The following DNAH3 variants were observed in gnomAD, a reference collection of about 807,000 sequenced individuals.
The protein encoded by DNAH3 is dynein axonemal heavy chain 3.
In DNAH3, 332 loss-of-function variants were observed where a neutral mutation model predicts 432.5. The observed-to-expected ratio is 0.77, with a 90% CI of 0.70 to 0.84. The LOEUF (loss-of-function observed/expected upper bound fraction) is 0.84, where lower values mean the gene tolerates loss of function less well. Ranked by LOEUF, DNAH3 falls within the 40% of genes least tolerant of loss-of-function variation. The pLI is 0.00. For missense variants in DNAH3, 4,861 were observed against 5,114.0 expected, an observed-to-expected ratio of 0.95 and a Z score of 1.51; for synonymous variants, 1,956 against 1,900.2, an observed-to-expected ratio of 1.03 and a Z score of -0.76.
exon 59 of DNAH3, chr16:20,941,428 A>G (rs1378955015): frequency 1.2e-6 from 2 of 1,614,012 alleles, no homozygotes; most frequent in East Asian, 2.2e-5. Flanking sequence ...CTCCTGCCTT[A>G]GGACGGTATT....
chr16:21,136,603 CA>C, intron 5 of DNAH3, 90 bp from the exon 7 acceptor site: 1 of 1,185,496 alleles, frequency 8.4e-7, no homozygotes, highest in South Asian at 1.3e-5. Context: ...GGACCCCATT[CA>C]TACAGCATTC....
chr16:20,945,208 C>T (rs1410110844), intron 57 of DNAH3, among the ~76,000 whole-genome samples: 2 of 152,168 alleles, frequency 1.3e-5, no homozygotes, highest in Non-Finnish European at 2.9e-5. Flanking sequence ...TCTAGTTGAC[C>T]TCACTGCTCA....
chr16:20,966,162 C>T (rs1418966133), intron 52 of DNAH3, among the ~76,000 whole-genome samples: 4 of 150,386 alleles, frequency 2.7e-5, no homozygotes, highest in Non-Finnish European at 4.4e-5. Flanking sequence ...CTCAGCCTCC[C>T]GAGCAGCTGG....
At chr16:21,028,579 G>A (rs1448785142) in intron 37 of DNAH3, among the ~76,000 whole-genome samples, 1 of 151,796 alleles carries the variant, frequency 6.6e-6, no homozygotes, top group Non-Finnish European at 1.5e-5. Context: ...GGAGAATTGC[G>A]GGAGGTGGAG....
At chr16:21,024,797 C>A in intron 38 of DNAH3, 96 bp from the exon 39 acceptor site, 1 of 949,850 alleles carries the variant, frequency 1.1e-6, no homozygotes, top group Non-Finnish European at 1.7e-6. Context: ...AGGCACCATG[C>A]TAGGCATTAA....
In DNAH3 at chr16:20,937,488, G is replaced by A. The variant is rs140236774; in HGVS notation, c.11655-635C>T. 1.0e-4 allele frequency among the ~76,000 whole-genome samples: 15 copies of A among 150,658 alleles called. No homozygotes were observed. The East Asian group carries it at 2.7e-3, about 27-fold the overall frequency. On this transcript the variant is annotated intron_variant, in intron 59 of 61. Coordinates refer to ENST00000261383, the Ensembl canonical transcript of DNAH3. ...AAAATATTTCTAGGTCAAAGAGCAC[G>A]CACAGTTTTAAGGCTTTCAATTCAT...
At chr16:21,084,899 G>C (rs1042539023) in intron 19 of DNAH3, among the ~76,000 whole-genome samples, 2 of 152,158 alleles carry the variant, frequency 1.3e-5, no homozygotes, top group African/African-American at 4.8e-5. Flanking sequence ...ACTCTTGATA[G>C]TGCCATCTCA....
chr16:21,019,743 TTGA>T, exon 41 of DNAH3: 1 of 1,614,170 alleles, frequency 6.2e-7, no homozygotes, highest in Non-Finnish European at 8.5e-7. Flanking sequence ...GCTGTCTGCG[TTGA>T]TGGTGCCAGC....
intron 19 of DNAH3, among the ~76,000 whole-genome samples, 154 bp from the exon 20 acceptor site, chr16:21,081,881 T>C (rs1167145909): frequency 6.6e-6 from 1 of 152,196 alleles, no homozygotes; most frequent in Non-Finnish European, 1.5e-5. Flanking sequence ...ATGTGGCTAG[T>C]GTGACTGAGG....
At chr16:21,027,544 A>G (rs1429299711) in intron 37 of DNAH3, among the ~76,000 whole-genome samples, 1 of 152,238 alleles carries the variant, frequency 6.6e-6, no homozygotes, top group East Asian at 1.9e-4. Flanking sequence ...GTCACAAATA[A>G]AGTATAACAA....
In DNAH3 at chr16:20,973,921, C is replaced by T. The variant is rs538056223; in HGVS notation, c.8259+1312G>A. ...GTTCTTAGGCTCTGGGGTGGGAGTG[C>T]GGCTTATGATTATTTAACAAATAGC... On this transcript the variant is annotated intron_variant, in intron 51 of 61. Transcript: ENST00000261383. Among the ~76,000 whole-genome samples, 37 of 152,194 alleles carry T rather than the reference C, an allele frequency of 2.4e-4. No individual in the cohort carries two copies. In the South Asian group the frequency reaches 6.8e-3, roughly 28 times the overall value.
chr16:21,092,973 C>T (rs967290328), intron 18 of DNAH3, among the ~76,000 whole-genome samples: 1 of 152,030 alleles, frequency 6.6e-6, no homozygotes, highest in Non-Finnish European at 1.5e-5. Flanking sequence ...CTTTGGGAGG[C>T]CAAGGTGGGA....
chr16:21,033,378 T>A (rs2088993408), intron 36 of DNAH3, among the ~76,000 whole-genome samples: 2 of 152,172 alleles, frequency 1.3e-5, no homozygotes, highest in Non-Finnish European at 2.9e-5. Context: ...GCAGGAAACA[T>A]AGTTTCCATT....
chr16:21,147,271 G>A (rs921599907), intron 1 of DNAH3, among the ~76,000 whole-genome samples: 4 of 151,422 alleles, frequency 2.6e-5, no homozygotes, highest in African/African-American at 9.7e-5. Flanking sequence ...CCAGGCTAGA[G>A]TGCAATGGTA....
intron 7 of DNAH3, among the ~76,000 whole-genome samples, chr16:21,129,633 A>C (rs1189376615): frequency 6.6e-6 from 1 of 151,444 alleles, no homozygotes; most frequent in South Asian, 2.1e-4. Flanking sequence ...GCTACTCAGG[A>C]GGCTGAGGCA....
At chr16:21,055,930 G>A (rs974250825) in intron 27 of DNAH3, among the ~76,000 whole-genome samples, 1 of 152,056 alleles carries the variant, frequency 6.6e-6, no homozygotes, top group Admixed American at 6.5e-5. Flanking sequence ...TAGAGATGGG[G>A]TCTCACTGTG....
exon 53 of DNAH3, chr16:20,964,628 C>A (rs141730309): frequency 4.3e-6 from 7 of 1,614,108 alleles, no homozygotes; most frequent in Non-Finnish European, 5.9e-6. Context: ...TTGGCCTGCC[C>A]GTGAGGGTCA....
intron 41 of DNAH3, among the ~76,000 whole-genome samples, chr16:21,003,582 C>T (rs759482166): frequency 1.3e-5 from 2 of 151,838 alleles, no homozygotes; most frequent in African/African-American, 2.4e-5. Flanking sequence ...AGACCAGCCT[C>T]GCCAACAGGG....
intron 31 of DNAH3, 39 bp downstream of exon 31, chr16:21,049,530 G>T: frequency 1.9e-6 from 3 of 1,571,498 alleles, no homozygotes; most frequent in Non-Finnish European, 2.6e-6. Context: ...GCCCCTCCAT[G>T]CACAGCTTCT....
Sources: gnomAD v4.1 joint callset for allele counts (sites outside exome capture counted in the v4.1 genomes callset) on GRCh38, gnomAD v4.1.1 for gene constraint, MANE v1.5 for transcripts, NCBI Gene and HGNC (gene_info 2026-07-23, HGNC 2026-07-21) for gene names.